Variants in GATAD2B observed in about 807,000 individuals in gnomAD.
GATAD2B encodes the protein GATA zinc finger domain containing 2B.
In GATAD2B, 8 loss-of-function variants were observed where a neutral mutation model predicts 64.3. That is an observed-to-expected ratio of 0.12 (90% CI 0.07 to 0.22). The LOEUF is 0.22. GATAD2B is among the 10% of genes least tolerant of loss of function. The pLI is 1.00. For synonymous variants in GATAD2B, 281 were observed against 271.3 expected (o/e 1.04, Z -0.35); for missense variants, 453 against 752.0 (o/e 0.60, Z 4.65).
intron 1 of GATAD2B, among the ~76,000 whole-genome samples, chr1:153,861,747 A>T (rs1332123810): frequency 6.9e-6 from 1 of 144,118 alleles, no homozygotes; most frequent in Non-Finnish European, 1.5e-5. Context: ...ACACCACTGC[A>T]CTCCAGCCTG....
At chr1:153,917,091 C>T (rs1678290294) in intron 1 of GATAD2B, among the ~76,000 whole-genome samples, 1 of 150,622 alleles carries the variant, frequency 6.6e-6, no homozygotes, top group Non-Finnish European at 1.5e-5. Flanking sequence ...CAGGTGTGAG[C>T]CCCCGCACCC....
At chr1:153,883,379 T>A (rs912034053) in intron 1 of GATAD2B, among the ~76,000 whole-genome samples, 3 of 152,234 alleles carry the variant, frequency 2.0e-5, no homozygotes, top group African/African-American at 7.2e-5. Flanking sequence ...AAACCCTTTA[T>A]CTACAACACA....
At chr1:153,834,037 C>G (rs1433880976) in intron 1 of GATAD2B, among the ~76,000 whole-genome samples, 2 of 151,168 alleles carry the variant, frequency 1.3e-5, no homozygotes, top group African/African-American at 4.9e-5. Flanking sequence ...GAGTCTCACT[C>G]TGTTGCCCAG....
intron 1 of GATAD2B, among the ~76,000 whole-genome samples, chr1:153,842,567 A>G (rs1021861114): frequency 6.6e-6 from 1 of 152,094 alleles, no homozygotes; most frequent in Non-Finnish European, 1.5e-5. Flanking sequence ...TAGTTTGTAT[A>G]TTTTTAGAAA....
intron 1 of GATAD2B, among the ~76,000 whole-genome samples, chr1:153,829,102 G>A (rs535702078): frequency 7.9e-5 from 12 of 152,174 alleles, no homozygotes; most frequent in Non-Finnish European, 1.8e-4. Flanking sequence ...CTACTTGGGA[G>A]GCTAAGGTGG....
chr1:153,810,867 G>A (rs1468671245), intron 10 of GATAD2B, among the ~76,000 whole-genome samples: 1 of 151,194 alleles, frequency 6.6e-6, no homozygotes, highest in Non-Finnish European at 1.5e-5. Context: ...AAGTTCAAGC[G>A]ATTCTCCTGC....
chr1:153,909,122 T>C (rs567580898), intron 1 of GATAD2B, among the ~76,000 whole-genome samples: 1 of 152,244 alleles, frequency 6.6e-6, no homozygotes, highest in African/African-American at 2.4e-5. Flanking sequence ...CAAGAATCAC[T>C]TGAGCCCAGG....
intron 1 of GATAD2B, among the ~76,000 whole-genome samples, chr1:153,838,409 CTTTT>C (rs923197568): frequency 7.3e-5 from 11 of 151,404 alleles, no homozygotes; most frequent in African/African-American, 2.7e-4. Flanking sequence ...TTTTCTCTGC[CTTTT>C]TTTTTGTTTT....
intron 1 of GATAD2B, among the ~76,000 whole-genome samples, chr1:153,840,260 C>G (rs1215298932): frequency 1.3e-5 from 2 of 151,544 alleles, no homozygotes; most frequent in Non-Finnish European, 2.9e-5. Flanking sequence ...GTCTTGAACT[C>G]CTGACCTCAG....
rs1488577981 is a variant in GATAD2B at position 153,827,672 on chromosome 1, A to G, written c.335+341T>C. 2.3e-4 allele frequency: 56 copies of G among 240,676 alleles called. 1 individual carries two copies. The highest frequency in any genetic ancestry group is 1.6e-5 in the Non-Finnish European group (2 of 126,476). 14.9% of individuals were successfully genotyped at this position (240,676 alleles called of 1,614,324 possible). On this transcript the variant is annotated intron_variant, in intron 2 of 10. Coordinates refer to ENST00000368655, the MANE Select transcript of GATAD2B (RefSeq NM_020699.4). Reference sequence around the variant, plus strand: ...CCTAAAACTCCTGGAATTATCTGACAAAAAGACTATTTTTCTCCTCCTAAG... The same window carrying G: ...CCTAAAACTCCTGGAATTATCTGACGAAAAGACTATTTTTCTCCTCCTAAG...
In GATAD2B at chr1:153,812,035, T is replaced by G. The variant is rs1674309322; in HGVS notation, c.1517A>C (p.His506Pro). Residue 506 changes from histidine to proline, a missense_variant, in exon 9 of 11, where the codon CAT becomes CCT. His to Pro is a moderately conservative substitution (Grantham distance 77). Coordinates refer to ENST00000368655, the MANE Select transcript of GATAD2B (RefSeq NM_020699.4). ...VSKQETIMRH[H>P]TLRQAPQPQS... ...AAAGTTCCTTACCTGCCGAAGCGTATGATGTCTCATGATGGTCTCTTGTTT... is the reference window on the plus strand; with the variant it reads ...AAAGTTCCTTACCTGCCGAAGCGTAGGATGTCTCATGATGGTCTCTTGTTT... 6.2e-7 allele frequency: 1 copy of G among 1,601,666 alleles called. No individual in the cohort carries two copies. The highest frequency in any genetic ancestry group is 1.3e-5 in the African/African-American group (1 of 74,680).
rs1253023293 is a variant in GATAD2B at position 153,805,547 on chromosome 1, T to C, written c.*4630A>G. The stretch of plus-strand genomic sequence containing the variant: ...GCCTCTCCCAAATCAAGGGTAACCA[T>C]AGAGGACTGGCAGTTCTCCAAGAGC... On this transcript the variant is annotated 3_prime_UTR_variant, in exon 11 of 11. Transcript: ENST00000368655. 6.6e-6 allele frequency: 1 copy of C among 152,186 alleles called. No individual in the cohort carries two copies. The highest frequency in any genetic ancestry group is 1.5e-5 in the Non-Finnish European group (1 of 68,026). The allele number at this position is 152,186 out of a possible 1,614,324, so 9.4% of individuals were successfully genotyped here. A position where few individuals can be genotyped will look rare whatever the true frequency, so the allele number is the denominator to read the frequency against.
intron 1 of GATAD2B, among the ~76,000 whole-genome samples, chr1:153,859,412 A>G (rs1054379622): frequency 4.0e-5 from 6 of 150,740 alleles, no homozygotes; most frequent in Admixed American, 1.3e-4. Context: ...GCTCATGCCT[A>G]TAACCCCGGC....
At chr1:153,813,821 CA>C (rs1674369863) in intron 7 of GATAD2B, among the ~76,000 whole-genome samples, 1 of 152,070 alleles carries the variant, frequency 6.6e-6, no homozygotes, top group South Asian at 2.1e-4. Flanking sequence ...ACTAAAAATA[CA>C]AAAAAATTAG....
chr1:153,863,682 T>G (rs1389026902), intron 1 of GATAD2B, among the ~76,000 whole-genome samples: 1 of 151,850 alleles, frequency 6.6e-6, no homozygotes, highest in African/African-American at 2.4e-5. Flanking sequence ...GGAGTGCAGC[T>G]GTGCGATCTT....
At chr1:153,898,276 C>T (rs909034724) in intron 1 of GATAD2B, among the ~76,000 whole-genome samples, 9 of 127,998 alleles carry the variant, frequency 7.0e-5, no homozygotes, top group Admixed American at 3.0e-4. Context: ...CACTGCATTT[C>T]GGCCTGGGCA....
chr1:153,898,309 AAAAAAAAAAAAAAAG>A (rs1317693260), intron 1 of GATAD2B, among the ~76,000 whole-genome samples: 1 of 147,894 alleles, frequency 6.8e-6, no homozygotes, highest in South Asian at 2.1e-4. Context: ...CCTGTCTCAA[AAAAAAAAAAAAAAAG>A]AAAAAAAGAA....
intron 1 of GATAD2B, among the ~76,000 whole-genome samples, chr1:153,851,601 C>T (rs1211374666): frequency 1.3e-5 from 2 of 151,610 alleles, no homozygotes; most frequent in African/African-American, 2.4e-5. Context: ...CTATTCAGGT[C>T]CTTTGTCCAT....
chr1:153,877,077 A>G (rs1405828751), intron 1 of GATAD2B, among the ~76,000 whole-genome samples: 2 of 152,112 alleles, frequency 1.3e-5, no homozygotes, highest in Non-Finnish European at 2.9e-5. Flanking sequence ...GCCCATGCCT[A>G]TAATCCCAGC....
Sources: allele counts gnomAD v4.1 joint callset (sites outside exome capture counted in the v4.1 genomes callset), GRCh38; gene constraint gnomAD v4.1.1; transcripts MANE v1.5; gene names NCBI Gene and HGNC (gene_info 2026-07-23, HGNC 2026-07-21).